ATP9B: variants seen among roughly 807,000 people sequenced by gnomAD.
ATP9B encodes ATPase phospholipid transporting 9B.
ATP9B carries 110 observed loss-of-function variants against 146.1 expected under a neutral mutation model. The ratio of observed to expected loss-of-function variants is 0.75; its 90% CI spans 0.65 to 0.88. ATP9B has a LOEUF of 0.88. Ranked by LOEUF, ATP9B falls within the 40% of genes least tolerant of loss-of-function variation. ATP9B has a pLI of 0.00. For missense variants in ATP9B, 1,499 were observed against 1,496.4 expected (o/e 1.00, Z -0.03); for synonymous variants, 604 against 569.7 (o/e 1.06, Z -0.86).
intron 8 of ATP9B, among the ~76,000 whole-genome samples, chr18:79,178,934 C>A (rs573709352): frequency 6.6e-6 from 1 of 151,940 alleles, no homozygotes; most frequent in African/African-American, 2.4e-5. Flanking sequence ...ATAAAATTGG[C>A]GTTATTTATT....
At chr18:79,234,937 G>A (rs561793125) in intron 11 of ATP9B, among the ~76,000 whole-genome samples, 2 of 152,224 alleles carry the variant, frequency 1.3e-5, no homozygotes, top group African/African-American at 4.8e-5. Flanking sequence ...CAGTGGCGCA[G>A]TCTAGGCTCA....
At chr18:79,329,006 C>A in intron 15 of ATP9B, 135 bp from the exon 16 acceptor site, 1 of 917,022 alleles carries the variant, frequency 1.1e-6, no homozygotes. Context: ...GCCGTGAAAA[C>A]AAAAAGTTCT....
chr18:79,279,945 G>T (rs988703950), intron 13 of ATP9B, among the ~76,000 whole-genome samples: 2 of 152,160 alleles, frequency 1.3e-5, no homozygotes, highest in African/African-American at 4.8e-5. Context: ...ATATGCACGT[G>T]TTCTACTCTC....
intron 7 of ATP9B, among the ~76,000 whole-genome samples, chr18:79,176,276 G>C (rs1360867504): frequency 6.6e-6 from 1 of 152,206 alleles, no homozygotes; most frequent in African/African-American, 2.4e-5. Flanking sequence ...CACGGCCAAA[G>C]AGTAGTGGAT....
intron 7 of ATP9B, among the ~76,000 whole-genome samples, chr18:79,172,878 A>G (rs2095100723): frequency 6.6e-6 from 1 of 152,162 alleles, no homozygotes; most frequent in South Asian, 2.1e-4. Context: ...ATAAGTTTTT[A>G]TTTCTCCAGA....
intron 9 of ATP9B, among the ~76,000 whole-genome samples, chr18:79,205,851 G>A (rs921709345): frequency 1.3e-5 from 2 of 152,090 alleles, no homozygotes; most frequent in Admixed American, 1.3e-4. Context: ...CTGATGTGTG[G>A]CCATATTGGT....
chr18:79,129,851 C>A (rs1216207765), intron 5 of ATP9B, among the ~76,000 whole-genome samples: 1 of 151,970 alleles, frequency 6.6e-6, no homozygotes, highest in Non-Finnish European at 1.5e-5. Flanking sequence ...TCAAGTGATT[C>A]TTTTGCCTCA....
rs368967072 is a variant in ATP9B, at chr18:79,330,142, A to G, written c.2028+38A>G. ...CTCTAGCGTGGTTCACAGTGTTTCT[A>G]TGGAAGAGGAGGTATGTGAGTGACT... is the stretch of plus-strand genomic sequence containing the variant. On this transcript the variant is annotated intron_variant, in intron 17 of 29. Coordinates refer to ENST00000426216, the MANE Select transcript of ATP9B (RefSeq NM_198531.5). The G allele has an allele frequency of 7.2e-5, 113 of 1,570,428 alleles. 1 individual carries two copies. The highest frequency in any genetic ancestry group is 3.3e-4 in the Middle Eastern group (2 of 5,986).
At position 79,373,925 on chromosome 18, in the gene ATP9B, T is replaced by C. The variant is rs1450735762; in HGVS notation, c.3098T>C (p.Val1033Ala). The change falls in exon 28 of 30, where the codon GTG becomes GCG. Residue 1033 changes from valine (V) to alanine (A), a missense_variant. Transcript: ENST00000426216. ...GGCATCCTCATGTATGGGGCCCTGG[T>C]GCTCTTCGAGTCTGAGTTCGTCCAC... is the stretch of plus-strand genomic sequence containing the variant. ...QGGILMYGAL[V>A]LFESEFVHVV... 5 of 1,613,148 alleles carry C rather than the reference T, an allele frequency of 3.1e-6. No individual in the cohort carries two copies. The highest frequency in any genetic ancestry group is 4.2e-6 in the Non-Finnish European group (5 of 1,180,028).
intron 9 of ATP9B, among the ~76,000 whole-genome samples, chr18:79,205,631 C>A (rs1294295430): frequency 2.0e-5 from 3 of 152,266 alleles, no homozygotes; most frequent in African/African-American, 7.2e-5. Flanking sequence ...GTCACTGCCT[C>A]CCACACGGGA....
At chr18:79,083,531 T>C (rs2073484105) in intron 1 of ATP9B, among the ~76,000 whole-genome samples, 1 of 152,054 alleles carries the variant, frequency 6.6e-6, no homozygotes, top group South Asian at 2.1e-4. Context: ...AGGGCCCTGG[T>C]GGTGTAGGCA....
At position 79,253,517 on chromosome 18, in the gene ATP9B, T is replaced by C. The variant is rs531748646; in HGVS notation, c.1244T>C (p.Leu415Pro). Reference sequence around the variant, plus strand: ...CGCAATCTTTTTCGGTTCCTTCTCCTCTTTTCTTACATCATTCCCATAAGG... The same window carrying C: ...CGCAATCTTTTTCGGTTCCTTCTCCCCTTTTCTTACATCATTCCCATAAGG... ...WYRNLFRFLL[L>P]FSYIIPISLR... is the part of the protein sequence containing the mutation. Residue 415 changes from leucine to proline, a missense_variant, in exon 12 of 30, where the codon CTC (leucine) becomes CCC (proline). Coordinates refer to ENST00000426216, the MANE Select transcript of ATP9B (RefSeq NM_198531.5). 2 of 1,602,718 alleles carry C rather than the reference T, an allele frequency of 1.2e-6. No individual in the cohort carries two copies. The highest frequency in any genetic ancestry group is 1.7e-6 in the Non-Finnish European group (2 of 1,176,708).
chr18:79,361,707 C>T, intron 26 of ATP9B: 1 of 917,834 alleles, frequency 1.1e-6, no homozygotes, highest in Non-Finnish European at 1.3e-6. Flanking sequence ...AGCTAAAGAA[C>T]TATTTTGAAG....
intron 7 of ATP9B, among the ~76,000 whole-genome samples, chr18:79,169,941 C>G (rs1186986146): frequency 6.6e-6 from 1 of 152,180 alleles, no homozygotes; most frequent in Non-Finnish European, 1.5e-5. Context: ...CTTACGACTT[C>G]CAGCAAAGTT....
At chr18:79,194,035 T>TG (rs1247474290) in intron 9 of ATP9B, among the ~76,000 whole-genome samples, 2 of 152,152 alleles carry the variant, frequency 1.3e-5, no homozygotes, top group African/African-American at 4.8e-5. Flanking sequence ...TAAAGTCCCT[T>TG]GGGGCACTGG....
intron 13 of ATP9B, among the ~76,000 whole-genome samples, chr18:79,297,081 A>G (rs916112863): frequency 2.7e-5 from 4 of 150,188 alleles, no homozygotes; most frequent in African/African-American, 9.8e-5. Context: ...TGACCCAGAG[A>G]GGAGACACAG....
At chr18:79,322,404 G>A (rs144604352) in intron 15 of ATP9B, among the ~76,000 whole-genome samples, 1 of 152,300 alleles carries the variant, frequency 6.6e-6, no homozygotes, top group East Asian at 1.9e-4. Context: ...CAAATGTGGG[G>A]CACAGAACCA....
chr18:79,182,096 A>G (rs1156420772), intron 8 of ATP9B, among the ~76,000 whole-genome samples: 1 of 152,204 alleles, frequency 6.6e-6, no homozygotes, highest in Non-Finnish European at 1.5e-5. Flanking sequence ...GCTTGTCCTT[A>G]AACTTTGTTA....
At chr18:79,159,488 G>T (rs1292205115) in intron 7 of ATP9B, among the ~76,000 whole-genome samples, 2 of 152,112 alleles carry the variant, frequency 1.3e-5, no homozygotes, top group African/African-American at 4.8e-5. Context: ...AACCCACAGT[G>T]TTCCCGTTGA....
Sources: allele counts gnomAD v4.1 joint callset (sites outside exome capture counted in the v4.1 genomes callset), GRCh38; gene constraint gnomAD v4.1.1; transcripts MANE v1.5; gene names NCBI Gene and HGNC (gene_info 2026-07-23, HGNC 2026-07-21).